The following FARP1 variants were observed in gnomAD, a reference collection of about 807,000 sequenced individuals.
FARP1 encodes FERM, ARHGEF and pleckstrin domain-containing protein 1.
Under a neutral mutation model 128.8 loss-of-function variants are expected in FARP1, and 52 were observed. The ratio of observed to expected loss-of-function variants is 0.40; its 90% CI spans 0.32 to 0.51. The LOEUF (loss-of-function observed/expected upper bound fraction) is 0.51. FARP1 is among the 20% of genes least tolerant of loss of function. FARP1 has a pLI of 0.45. For synonymous variants in FARP1, 580 were observed against 551.8 expected (o/e 1.05, Z -0.72); for missense variants, 1,333 against 1,367.9 (o/e 0.97, Z 0.40).
intron 3 of FARP1, among the ~76,000 whole-genome samples, chr13:98,356,320 G>C (rs1888640166): frequency 6.6e-6 from 1 of 152,122 alleles, no homozygotes; most frequent in Non-Finnish European, 1.5e-5. Context: ...TGTAAGTACG[G>C]TTGTCTCTAT....
At chr13:98,364,000 A>G (rs1390810370) in intron 3 of FARP1, among the ~76,000 whole-genome samples, 1 of 152,180 alleles carries the variant, frequency 6.6e-6, no homozygotes, top group Non-Finnish European at 1.5e-5. Context: ...TTGGCCTCCC[A>G]AAGTGCTGGG....
chr13:98,166,332 A>G (rs1196634934), intron 1 of FARP1, among the ~76,000 whole-genome samples: 2 of 152,214 alleles, frequency 1.3e-5, no homozygotes, highest in Non-Finnish European at 1.5e-5. Flanking sequence ...TGTTTTTAAT[A>G]TACATAGATA....
rs797017367 is a variant in FARP1, at chr13:98,424,422, C to G, written c.1827-150C>G. The G allele has an allele frequency of 2.1e-5, 13 of 625,786 alleles. No individual in the cohort carries two copies. In the African/African-American group the frequency reaches 2.3e-4, roughly 11 times the overall value. 38.8% of individuals were successfully genotyped at this position (625,786 alleles called of 1,614,324 possible). ...GTGGGGTAATTTCCAAGTCTCCTTC[C>G]AACGATAACATTCCATGACCCCATA... is the stretch of plus-strand genomic sequence containing the variant. On this transcript the variant is annotated intron_variant, in intron 16 of 26. Transcript: ENST00000319562.
chr13:98,221,359 T>C (rs1881404908), intron 2 of FARP1, among the ~76,000 whole-genome samples: 1 of 152,196 alleles, frequency 6.6e-6, no homozygotes, highest in South Asian at 2.1e-4. Context: ...TAAAAAATCA[T>C]GTGCTTCTGT....
At chr13:98,338,691 A>T (rs1456011052) in intron 2 of FARP1, 3 of 152,220 alleles carry the variant, frequency 2.0e-5, no homozygotes, top group Non-Finnish European at 2.9e-5. Flanking sequence ...GCTGTATCCT[A>T]GGATAAGACT....
intron 2 of FARP1, chr13:98,244,974 T>G: frequency 8.2e-7 from 1 of 1,223,364 alleles, no homozygotes; most frequent in Non-Finnish European, 1.0e-6. Flanking sequence ...TTTTCTGCTG[T>G]GGGTTGTTTG....
At chr13:98,257,216 G>A (rs1315360942) in intron 2 of FARP1, among the ~76,000 whole-genome samples, 2 of 151,912 alleles carry the variant, frequency 1.3e-5, no homozygotes, top group Admixed American at 6.6e-5. Context: ...ACTCATCTGT[G>A]TATTTAAAAC....
chr13:98,236,789 A>ACCCT (rs1018074119), intron 2 of FARP1, among the ~76,000 whole-genome samples: 10 of 152,094 alleles, frequency 6.6e-5, no homozygotes, highest in African/African-American at 2.4e-4. Context: ...GGAGTTTGAG[A>ACCCT]CCAGCCTGGC....
At chr13:98,356,522 A>C (rs1456826488) in intron 3 of FARP1, among the ~76,000 whole-genome samples, 1 of 152,134 alleles carries the variant, frequency 6.6e-6, no homozygotes, top group Non-Finnish European at 1.5e-5. Context: ...TTTCCTAATC[A>C]TGTATTTTAA....
At chr13:98,446,266 G>A in intron 25 of FARP1, 61 bp downstream of exon 25, 1 of 1,077,672 alleles carries the variant, frequency 9.3e-7, no homozygotes, top group Non-Finnish European at 1.4e-6. Flanking sequence ...ATGAGGTGAG[G>A]GGGCCGCCCT....
At chr13:98,162,749 A>C (rs1051774065) in intron 1 of FARP1, among the ~76,000 whole-genome samples, 14 of 152,174 alleles carry the variant, frequency 9.2e-5, no homozygotes, top group African/African-American at 3.1e-4. Flanking sequence ...GAGATGCTCT[A>C]ACAATGTTCT....
chr13:98,273,902 A>G lies in FARP1; in HGVS notation c.171+60489A>G, dbSNP rs1482245127. On this transcript the variant is annotated intron_variant, in intron 2 of 26. Coordinates refer to ENST00000319562, the MANE Select transcript of FARP1 (RefSeq NM_005766.4). ...AAAGCTCATCTTCTTTCCCCCACAA[A>G]AGGAAGTGTGAGAATGATGGCGGTC... 2.6e-5 allele frequency among the ~76,000 whole-genome samples: 4 copies of G among 152,252 alleles called. No homozygotes were observed. In the East Asian group the frequency reaches 7.7e-4, roughly 29 times the overall value.
intron 16 of FARP1, among the ~76,000 whole-genome samples, chr13:98,416,437 C>G (rs1891378330): frequency 6.6e-6 from 1 of 152,190 alleles, no homozygotes; most frequent in Non-Finnish European, 1.5e-5. Context: ...TAGGCTGAAG[C>G]TCAGTTCAGC....
intron 2 of FARP1, among the ~76,000 whole-genome samples, chr13:98,242,285 T>G (rs371494953): frequency 6.6e-6 from 1 of 152,336 alleles, no homozygotes. Context: ...TGGAAACTGT[T>G]TTTCTCCATG....
chr13:98,159,013 G>A (rs182807814), intron 1 of FARP1, among the ~76,000 whole-genome samples: 1 of 152,232 alleles, frequency 6.6e-6, no homozygotes, highest in Non-Finnish European at 1.5e-5. Flanking sequence ...AGAAAAATAA[G>A]AAAAGTCTAT....
rs1471009424 is a variant in FARP1, at chr13:98,440,719, G to A, written c.2679G>A (p.Leu893=). The change falls in exon 24 of 27, where the codon CTG becomes CTA. Residue 893 remains leucine (L), a synonymous_variant. Coordinates refer to ENST00000319562, the MANE Select transcript of FARP1 (RefSeq NM_005766.4). ...CTGACCAGGAGTCAGAGGATGACCT[G>A]AGCGCCTCGCGCACATCGCTGGAGC... The part of the protein sequence containing the change: ...TAADQESEDD[L]SASRTSLERQ... 6.2e-7 allele frequency: 1 copy of A among 1,613,406 alleles called. No individual in the cohort carries two copies. The highest frequency in any genetic ancestry group is 1.3e-5 in the African/African-American group (1 of 74,954).
At chr13:98,375,237 C>T (rs991007549) in intron 5 of FARP1, among the ~76,000 whole-genome samples, 2 of 152,184 alleles carry the variant, frequency 1.3e-5, no homozygotes, top group African/African-American at 4.8e-5. Flanking sequence ...GTCATATTTC[C>T]TTTGCCCTAT....
At chr13:98,413,731 G>C (rs770170216) in intron 16 of FARP1, among the ~76,000 whole-genome samples, 1 of 152,158 alleles carries the variant, frequency 6.6e-6, no homozygotes, top group African/African-American at 2.4e-5. Flanking sequence ...TTTCACGTGT[G>C]TTCTGCCTGT....
intron 2 of FARP1, among the ~76,000 whole-genome samples, chr13:98,341,631 C>CA (rs937343242): frequency 3.3e-5 from 5 of 151,896 alleles, no homozygotes; most frequent in African/African-American, 9.7e-5. Context: ...AACTCCGTTT[C>CA]AAAAAAACAA....
Sources: gnomAD v4.1 joint callset for allele counts (sites outside exome capture counted in the v4.1 genomes callset) on GRCh38, gnomAD v4.1.1 for gene constraint, MANE v1.5 for transcripts, NCBI Gene and HGNC (gene_info 2026-07-23, HGNC 2026-07-21) for gene names.